Variants in WFIKKN1 observed in about 807,000 individuals in gnomAD.
WFIKKN1 encodes the protein WAP, Kazal, immunoglobulin, Kunitz and NTR domain-containing protein 1.
WFIKKN1 carries 6 observed loss-of-function variants against 4.6 expected under a neutral mutation model. The ratio of observed to expected loss-of-function variants is 1.31; its 90% CI spans 0.72 to 2.59. WFIKKN1 has a LOEUF of 2.59. Among genes scored for constraint, WFIKKN1 ranks in the 30% most tolerant of loss-of-function variants. The probability of loss-of-function intolerance (pLI) is 0.00; values close to 1 mark genes in which losing one functional copy is unlikely to be tolerated. For missense variants in WFIKKN1, 964 were observed against 818.0 expected (o/e 1.18, Z -2.18); for synonymous variants, 468 against 367.4 (o/e 1.27, Z -3.13).
At position 633,001 on chromosome 16, in the gene WFIKKN1, G is replaced by A. The variant is rs768397428; in HGVS notation, c.591G>A (p.Val197=). The A allele has an allele frequency of 1.2e-5, 20 of 1,602,542 alleles. No individual in the cohort carries two copies. The highest frequency in any genetic ancestry group is 3.4e-5 in the Admixed American group (2 of 59,420). The change falls in exon 2 of 2, where the codon GTG becomes GTA. Residue 197 remains valine, a synonymous_variant. Coordinates refer to ENST00000319070, the MANE Select transcript of WFIKKN1 (RefSeq NM_053284.3). ...ALYSSPSPQA[V]QVGGTASLHC... ...ACAGCAGCCCCTCCCCACAGGCGGT[G>A]CAGGTTGGGGGTACGGCCAGCCTCC...
intron 1 of WFIKKN1, 144 bp downstream of exon 1, chr16:631,568 A>G (rs1036391682): frequency 8.1e-5 from 81 of 997,058 alleles, no homozygotes; most frequent in Non-Finnish European, 1.0e-4. Context: ...AGACACCCCC[A>G]TCGTTGCCCT....
rs536112903 is a variant in WFIKKN1 at position 633,051 on chromosome 16, C to T, written c.641C>T (p.Pro214Leu). 9 of 1,611,970 alleles carry T rather than the reference C, an allele frequency of 5.6e-6. No individual in the cohort carries two copies. The African/African-American group carries it at 8.0e-5, about 14-fold the overall frequency. Residue 214 changes from proline (P) to leucine (L), a missense_variant, in exon 2 of 2, where the codon CCG (proline) becomes CTG (leucine). Transcript: ENST00000319070. ...CACTGCGACGTCAGCGGCCGCCCGC[C>T]GCCTGCTGTGACCTGGGAGAAGCAG... is the stretch of plus-strand genomic sequence containing the variant. Reference protein sequence around the residue: ...SLHCDVSGRPPPAVTWEKQSH... With the variant: ...SLHCDVSGRPLPAVTWEKQSH...
At chr16:632,116 G>GCCTCTCCTTCCAT (rs1380066549) in intron 1 of WFIKKN1, 1 of 134,370 alleles carries the variant, frequency 7.4e-6, no homozygotes, top group Non-Finnish European at 1.5e-5. Context: ...CCCCGTCACT[G>GCCTCTCCTTCCAT]CCTCTCCTTC....
rs762349227 is a variant in WFIKKN1, at chr16:632,669, CCGA to C, written c.264_266del (p.Thr89del). Reference sequence around the variant, plus strand: ...ACGCTTCCCCGGCAGCCCAGCTGCGCCGACGACAGCGGCCTCCTGCGAGGGCTT... The same window carrying C: ...ACGCTTCCCCGGCAGCCCAGCTGCGCCGACAGCGGCCTCCTGCGAGGGCTT... On this transcript the variant is annotated inframe_deletion, in exon 2 of 2. Transcript: ENST00000319070. The C allele has an allele frequency of 1.0e-5, 16 of 1,604,828 alleles. No individual in the cohort carries two copies. In the East Asian group the frequency reaches 2.5e-4, roughly 25 times the overall value.
In WFIKKN1 at chr16:633,207, G is replaced by A. The variant is rs771069827; in HGVS notation, c.797G>A (p.Arg266His). ...EDAGLYTCTA[R>H]NAAGLLRADF... ...GCCGGCCTGTACACCTGCACCGCGCGCAACGCTGCTGGGCTGCTGCGGGCT... is the reference window on the plus strand; with the variant it reads ...GCCGGCCTGTACACCTGCACCGCGCACAACGCTGCTGGGCTGCTGCGGGCT... The change falls in exon 2 of 2, where the codon CGC (arginine) becomes CAC (histidine). Residue 266 changes from arginine to histidine, a missense_variant. Arg to His is a conservative substitution (Grantham distance 29). Transcript: ENST00000319070. 10 of 1,590,800 alleles carry A rather than the reference G, an allele frequency of 6.3e-6. No homozygotes were observed. The Admixed American group carries it at 7.0e-5, about 11-fold the overall frequency.
chr16:633,888 A>G lies in WFIKKN1; in HGVS notation c.1478A>G (p.Asn493Ser). Residue 493 changes from asparagine (N) to serine (S), a missense_variant, in exon 2 of 2, where the codon AAC becomes AGC. By Grantham distance (46) the Asn-to-Ser change is conservative (BLOSUM62 1). Transcript: ENST00000319070. ...SGMDWACPCP[N>S]MTAGDGPLVI... ...ATGGACTGGGCCTGCCCCTGCCCCAACATGACGGCGGGCGACGGGCCGCTG... is the reference window on the plus strand; with the variant it reads ...ATGGACTGGGCCTGCCCCTGCCCCAGCATGACGGCGGGCGACGGGCCGCTG... The G allele has an allele frequency of 6.3e-7, 1 of 1,595,916 alleles. No individual in the cohort carries two copies. Among genetic ancestry groups the G allele is most frequent in the Non-Finnish European group, 8.5e-7 (1 of 1,171,972 alleles).
Position 633,803 on chromosome 16 carries a change from G to A in WFIKKN1, c.1393G>A (p.Asp465Asn), listed in dbSNP as rs1210260061. 4 of 1,603,040 alleles carry A rather than the reference G, an allele frequency of 2.5e-6. No homozygotes were observed. Among genetic ancestry groups the A allele is most frequent in the South Asian group, 1.1e-5 (1 of 89,410 alleles). Residue 465 changes from aspartate (D) to asparagine (N), a missense_variant, in exon 2 of 2, where the codon GAT becomes AAT. Physicochemically the swap from Asp to Asn is conservative, Grantham distance 23. Transcript: ENST00000319070. ...ARVALEDVLKDDKMGLKFLGT... is the reference protein window; with the variant it reads ...ARVALEDVLKNDKMGLKFLGT... ...CGTGGCGCTCGAGGACGTGCTCAAG[G>A]ATGACAAGATGGGCCTCAAGTTCTT...
In WFIKKN1 at chr16:632,979, G is replaced by T; in HGVS notation, c.569G>T (p.Ser190Ile). 6.3e-7 allele frequency: 1 copy of T among 1,593,602 alleles called. No homozygotes were observed. The change falls in exon 2 of 2, where the codon AGC becomes ATC. Residue 190 changes from serine (S) to isoleucine (I), a missense_variant. Coordinates refer to ENST00000319070, the MANE Select transcript of WFIKKN1 (RefSeq NM_053284.3). ...GCGCCCGTGCCTCCTGCCCTGTACA[G>T]CAGCCCCTCCCCACAGGCGGTGCAG... Reference protein sequence around the residue: ...GAAPVPPALYSSPSPQAVQVG... With the variant: ...GAAPVPPALYISPSPQAVQVG...
chr16:633,799 C>G lies in WFIKKN1; in HGVS notation c.1389C>G (p.Leu463=), dbSNP rs1029790108. The change falls in exon 2 of 2, where the codon CTC becomes CTG. Residue 463 remains leucine (L), a synonymous_variant. Transcript: ENST00000319070. ...CCCGCGTGGCGCTCGAGGACGTGCTCAAGGATGACAAGATGGGCCTCAAGT... is the reference window on the plus strand; with the variant it reads ...CCCGCGTGGCGCTCGAGGACGTGCTGAAGGATGACAAGATGGGCCTCAAGT... The part of the protein sequence containing the change: ...GIARVALEDV[L]KDDKMGLKFL... The G allele has an allele frequency of 1.9e-6, 3 of 1,602,574 alleles. No homozygotes were observed. The highest frequency in any genetic ancestry group is 1.7e-6 in the Non-Finnish European group (2 of 1,175,250).
In WFIKKN1 at chr16:633,279, C is replaced by T. The variant is rs779870889; in HGVS notation, c.869C>T (p.Ala290Val). 4 of 1,582,690 alleles carry T rather than the reference C, an allele frequency of 2.5e-6. No homozygotes were observed. The highest frequency in any genetic ancestry group is 1.8e-5 in the Admixed American group (1 of 56,716). The change falls in exon 2 of 2, where the codon GCC becomes GTC. Residue 290 changes from alanine to valine, a missense_variant. Physicochemically the swap from Ala to Val is moderately conservative, Grantham distance 64. Coordinates refer to ENST00000319070, the MANE Select transcript of WFIKKN1 (RefSeq NM_053284.3). The stretch of plus-strand genomic sequence containing the variant: ...CAGCGAGAGCCGGCCAGGGACGCAG[C>T]CCCCAGCATCCCAGCCCCGGCCGAG... Reference protein sequence around the residue: ...VVQREPARDAAPSIPAPAECL... With the variant: ...VVQREPARDAVPSIPAPAECL...
In WFIKKN1 at chr16:633,797, C is replaced by T. The variant is rs1295053894; in HGVS notation, c.1387C>T (p.Leu463Phe). ...GIARVALEDV[L>F]KDDKMGLKFL... The stretch of plus-strand genomic sequence containing the variant: ...CGCCCGCGTGGCGCTCGAGGACGTG[C>T]TCAAGGATGACAAGATGGGCCTCAA... The change falls in exon 2 of 2, where the codon CTC becomes TTC. Residue 463 changes from leucine (L) to phenylalanine (F), a missense_variant. By Grantham distance (22) the Leu-to-Phe change is conservative (BLOSUM62 0). Coordinates refer to ENST00000319070, the MANE Select transcript of WFIKKN1 (RefSeq NM_053284.3). 1.9e-6 allele frequency: 3 copies of T among 1,602,844 alleles called. No individual in the cohort carries two copies. The highest frequency in any genetic ancestry group is 8.5e-7 in the Non-Finnish European group (1 of 1,175,298).
rs576026786 is a variant in WFIKKN1 at position 633,990 on chromosome 16, G to A, written c.1580G>A (p.Arg527His). The change falls in exon 2 of 2, where the codon CGC becomes CAC. Residue 527 changes from arginine to histidine, a missense_variant. By Grantham distance (29) the Arg-to-His change is conservative. Coordinates refer to ENST00000319070, the MANE Select transcript of WFIKKN1 (RefSeq NM_053284.3). ...GSYVRAASEK[R>H]VKKILELLEK... ...TACGTCCGCGCCGCCAGCGAGAAGC[G>A]CGTCAAGAAGATCTTGGAGCTGCTG... The A allele has an allele frequency of 3.4e-5, 55 of 1,602,956 alleles. No individual in the cohort carries two copies. The highest frequency in any genetic ancestry group is 5.1e-5 in the Admixed American group (3 of 59,220).
chr16:631,451 G>C, intron 1 of WFIKKN1, 27 bp downstream of exon 1: 1 of 1,597,264 alleles, frequency 6.3e-7, no homozygotes, highest in Non-Finnish European at 8.5e-7. Context: ...CGGGGTCCTG[G>C]GGCTCAGAGC....
Position 632,765 on chromosome 16 carries a change from C to T in WFIKKN1, c.355C>T (p.Arg119Cys), listed in dbSNP as rs752714028. Residue 119 changes from arginine (R) to cysteine (C), a missense_variant, in exon 2 of 2, where the codon CGC (arginine) becomes TGC (cysteine). Transcript: ENST00000319070. ...GCAGCCCGTGTGCCGCTGCCGCGAC[C>T]GCTGTGAGAAGGAGCCCAGCTTCAC... ...DGQPVCRCRD[R>C]CEKEPSFTCA... 8.1e-6 allele frequency: 13 copies of T among 1,607,724 alleles called. No homozygotes were observed. Among genetic ancestry groups the T allele is most frequent in the South Asian group, 3.3e-5 (3 of 90,538 alleles).
At position 633,967 on chromosome 16, in the gene WFIKKN1, C is replaced by T. The variant is rs374492045; in HGVS notation, c.1557C>T (p.Tyr519=). The T allele has an allele frequency of 5.3e-5, 85 of 1,597,366 alleles. No individual in the cohort carries two copies. Among genetic ancestry groups the T allele is most frequent in the Middle Eastern group, 1.7e-4 (1 of 6,052 alleles). ...TGGCCGTGCTGGACGCCGGCAGCTA[C>T]GTCCGCGCCGCCAGCGAGAAGCGCG... is the stretch of plus-strand genomic sequence containing the variant. ...DGVAVLDAGS[Y]VRAASEKRVK... Residue 519 remains tyrosine (Y), a synonymous_variant, in exon 2 of 2, where the codon TAC becomes TAT. Coordinates refer to ENST00000319070, the MANE Select transcript of WFIKKN1 (RefSeq NM_053284.3).
intron 1 of WFIKKN1, chr16:632,028 G>GCCTCTCCTCCCAC (rs1448703654): frequency 2.4e-5 from 1 of 41,276 alleles, no homozygotes; most frequent in Non-Finnish European, 4.6e-5. Context: ...CCCCTTCACT[G>GCCTCTCCTCCCAC]CCTCTCCTCC....
At position 632,945 on chromosome 16, in the gene WFIKKN1, C is replaced by A; in HGVS notation, c.535C>A (p.Pro179Thr). Residue 179 changes from proline to threonine, a missense_variant, in exon 2 of 2, where the codon CCT becomes ACT. Physicochemically the swap from Pro to Thr is conservative, Grantham distance 38. Coordinates refer to ENST00000319070, the MANE Select transcript of WFIKKN1 (RefSeq NM_053284.3). The stretch of plus-strand genomic sequence containing the variant: ...GCCGGAGACCACTGCCCGCCCCACA[C>A]CTGGGGCCGCGCCCGTGCCTCCTGC... Reference protein sequence around the residue: ...GPPETTARPTPGAAPVPPALY... With the variant: ...GPPETTARPTTGAAPVPPALY... 1.9e-6 allele frequency: 3 copies of A among 1,560,450 alleles called. No homozygotes were observed. Among genetic ancestry groups the A allele is most frequent in the Non-Finnish European group, 2.6e-6 (3 of 1,152,588 alleles).
At position 633,813 on chromosome 16, in the gene WFIKKN1, T is replaced by C. The variant is rs1040998898; in HGVS notation, c.1403T>C (p.Met468Thr). 3.6e-5 allele frequency: 58 copies of C among 1,603,408 alleles called. No homozygotes were observed. Among genetic ancestry groups the C allele is most frequent in the Non-Finnish European group, 4.8e-5 (57 of 1,175,528 alleles). ...ALEDVLKDDKMGLKFLGTKYL... is the reference protein window; with the variant it reads ...ALEDVLKDDKTGLKFLGTKYL... ...GAGGACGTGCTCAAGGATGACAAGATGGGCCTCAAGTTCTTGGGCACCAAG... is the reference window on the plus strand; with the variant it reads ...GAGGACGTGCTCAAGGATGACAAGACGGGCCTCAAGTTCTTGGGCACCAAG... Residue 468 changes from methionine (M) to threonine (T), a missense_variant, in exon 2 of 2, where the codon ATG becomes ACG. Physicochemically the swap from Met to Thr is moderately conservative, Grantham distance 81 (BLOSUM62 -1). Coordinates refer to ENST00000319070, the MANE Select transcript of WFIKKN1 (RefSeq NM_053284.3).
Position 633,515 on chromosome 16 carries a change from C to T in WFIKKN1, c.1105C>T (p.Arg369Trp), listed in dbSNP as rs375549368. The T allele has an allele frequency of 7.6e-5, 115 of 1,507,352 alleles. No individual in the cohort carries two copies. In the African/African-American group the frequency reaches 1.4e-3, roughly 18 times the overall value. The allele number at this position is 1,507,352 out of a possible 1,614,324, so 93.4% of individuals were successfully genotyped here. ...CVLPAVQGPCRGWEPRWAYSP... is the reference protein window; with the variant it reads ...CVLPAVQGPCWGWEPRWAYSP... ...GCTGCCTGCCGTGCAGGGCCCCTGC[C>T]GGGGCTGGGAGCCGCGCTGGGCCTA... Residue 369 changes from arginine to tryptophan, a missense_variant, in exon 2 of 2, where the codon CGG becomes TGG. Arg to Trp is a moderately radical substitution (Grantham distance 101). Coordinates refer to ENST00000319070, the MANE Select transcript of WFIKKN1 (RefSeq NM_053284.3).
Sources: allele counts gnomAD v4.1 joint callset, GRCh38; gene constraint gnomAD v4.1.1; transcripts MANE v1.5; gene names NCBI Gene and HGNC (gene_info 2026-07-23, HGNC 2026-07-21).